Variants in RARB observed in about 807,000 individuals in gnomAD.
The protein encoded by RARB is HBV-activated protein.
RARB carries 17 observed loss-of-function variants against 51.9 expected under a neutral mutation model. The observed-to-expected ratio is 0.33, with a 90% CI of 0.22 to 0.49. The LOEUF is 0.49. Among genes scored for constraint, RARB ranks in the 20% least tolerant of loss-of-function variants. The probability of loss-of-function intolerance (pLI) is 0.99; values close to 1 mark genes in which losing one functional copy is unlikely to be tolerated. For synonymous variants in RARB, 215 were observed against 195.4 expected (o/e 1.10, Z -0.84); for missense variants, 369 against 550.8 (o/e 0.67, Z 3.30).
At chr3:25,166,574 C>T (rs1030196140) in intron 4 of RARB, among the ~76,000 whole-genome samples, 3 of 152,146 alleles carry the variant, frequency 2.0e-5, no homozygotes, top group African/African-American at 4.8e-5. Context: ...TACTCTATCA[C>T]AAGACATTGA....
chr3:25,088,973 T>G (rs1699149040), intron 3 of RARB, among the ~76,000 whole-genome samples: 1 of 152,036 alleles, frequency 6.6e-6, no homozygotes, highest in South Asian at 2.1e-4. Context: ...TTTGCTGAAT[T>G]TAATGCCTTG....
At chr3:25,387,133 C>T (rs757535977) in intron 5 of RARB, among the ~76,000 whole-genome samples, 4 of 152,030 alleles carry the variant, frequency 2.6e-5, no homozygotes, top group South Asian at 2.1e-4. Context: ...GTGAGTTTGC[C>T]GGAAGACCTT....
chr3:25,407,697 C>A (rs1469828173), intron 5 of RARB, among the ~76,000 whole-genome samples: 3 of 151,974 alleles, frequency 2.0e-5, no homozygotes, highest in Non-Finnish European at 4.4e-5. Context: ...TATCCTTTTA[C>A]CCTCCCTTCT....
chr3:25,479,985 T>A (rs1696147764), intron 2 of RARB, among the ~76,000 whole-genome samples: 1 of 152,200 alleles, frequency 6.6e-6, no homozygotes, highest in Non-Finnish European at 1.5e-5. Flanking sequence ...CTTGGTTATA[T>A]TTGTTTGGAA....
chr3:25,269,342 G>A (rs1703197930), intron 5 of RARB, among the ~76,000 whole-genome samples: 1 of 152,178 alleles, frequency 6.6e-6, no homozygotes, highest in South Asian at 2.1e-4. Flanking sequence ...AAGCTTATCA[G>A]TGGATCATTC....
intron 3 of RARB, among the ~76,000 whole-genome samples, chr3:25,515,510 G>C (rs191832143): frequency 3.9e-5 from 6 of 152,142 alleles, no homozygotes; most frequent in East Asian, 3.9e-4. Context: ...CCAATCCTGG[G>C]GGGGAGGGGG....
intron 5 of RARB, among the ~76,000 whole-genome samples, chr3:25,319,064 A>G (rs1427124113): frequency 6.6e-6 from 1 of 152,214 alleles, no homozygotes; most frequent in Non-Finnish European, 1.5e-5. Flanking sequence ...GATGATTTTC[A>G]ATAATATATT....
At chr3:25,385,699 C>T (rs1415395791) in intron 5 of RARB, among the ~76,000 whole-genome samples, 2 of 152,064 alleles carry the variant, frequency 1.3e-5, no homozygotes, top group Non-Finnish European at 2.9e-5. Context: ...GTTAGTTTTG[C>T]AGCAATAGGT....
chr3:25,104,894 G>A (rs1699469736), intron 3 of RARB, among the ~76,000 whole-genome samples: 1 of 152,160 alleles, frequency 6.6e-6, no homozygotes, highest in Non-Finnish European at 1.5e-5. Flanking sequence ...TCCAGTGCTA[G>A]AAGTTGGGGG....
At chr3:24,965,853 A>G (rs1348079534) in intron 2 of RARB, among the ~76,000 whole-genome samples, 1 of 152,144 alleles carries the variant, frequency 6.6e-6, no homozygotes, top group African/African-American at 2.4e-5. Flanking sequence ...ATAATACAAC[A>G]TCATACTCTT....
At chr3:25,056,314 T>C (rs1698441772) in intron 2 of RARB, among the ~76,000 whole-genome samples, 1 of 152,138 alleles carries the variant, frequency 6.6e-6, no homozygotes, top group South Asian at 2.1e-4. Flanking sequence ...GAAAAGCTTC[T>C]GGAAAGCCAC....
intron 3 of RARB, among the ~76,000 whole-genome samples, chr3:25,085,957 T>C (rs1699096894): frequency 2.0e-5 from 3 of 152,188 alleles, no homozygotes; most frequent in African/African-American, 7.2e-5. Context: ...AAATGGATGA[T>C]CTAGGTTGGA....
intron 5 of RARB, among the ~76,000 whole-genome samples, chr3:25,232,415 T>A (rs1290596256): frequency 6.6e-6 from 1 of 152,172 alleles, no homozygotes; most frequent in Non-Finnish European, 1.5e-5. Context: ...AGAATTGGCA[T>A]CTTGGCAATA....
chr3:25,293,619 G>A (rs1265355470), intron 5 of RARB, among the ~76,000 whole-genome samples: 597 of 39,476 alleles, frequency 0.015, 3 homozygotes, highest in East Asian at 0.049. Context: ...AAAAAAAAAA[G>A]TTCAGAGATA....
chr3:25,411,620 C>A (rs2125500904), intron 5 of RARB, among the ~76,000 whole-genome samples: 1 of 152,276 alleles, frequency 6.6e-6, no homozygotes, highest in East Asian at 1.9e-4. Context: ...AAGAAGCAAC[C>A]AAGAATATCT....
intron 5 of RARB, among the ~76,000 whole-genome samples, chr3:25,216,997 G>A (rs1701849256): frequency 6.6e-6 from 1 of 152,032 alleles, no homozygotes; most frequent in South Asian, 2.1e-4. Context: ...AGATTTGATT[G>A]TTTAAGGATG....
chr3:25,381,200 C>A (rs553676619), intron 5 of RARB, among the ~76,000 whole-genome samples: 1 of 152,192 alleles, frequency 6.6e-6, no homozygotes, highest in Non-Finnish European at 1.5e-5. Flanking sequence ...CCAAGGCTAA[C>A]GTCAGACAGC....
chr3:25,430,876 A>T (rs1708175814), intron 1 of RARB, among the ~76,000 whole-genome samples: 1 of 152,178 alleles, frequency 6.6e-6, no homozygotes, highest in Non-Finnish European at 1.5e-5. Flanking sequence ...AAATGAATAA[A>T]ATGTAAATAT....
intron 5 of RARB, among the ~76,000 whole-genome samples, chr3:25,247,051 C>G (rs1008134486): frequency 6.6e-6 from 1 of 152,224 alleles, no homozygotes; most frequent in Non-Finnish European, 1.5e-5. Flanking sequence ...GGCGGTCTGG[C>G]TACAGCAGCT....
Sources: allele counts gnomAD v4.1 joint callset (sites outside exome capture counted in the v4.1 genomes callset), GRCh38; gene constraint gnomAD v4.1.1; transcripts MANE v1.5; gene names NCBI Gene and HGNC (gene_info 2026-07-23, HGNC 2026-07-21).